The following MARCHF11 variants were observed in gnomAD, a reference collection of about 807,000 sequenced individuals.
The protein encoded by MARCHF11 is membrane associated ring-CH-type finger 11.
Under a neutral mutation model 37.3 loss-of-function variants are expected in MARCHF11, and 29 were observed. That is an observed-to-expected ratio of 0.78 (90% CI 0.58 to 1.06). MARCHF11 has a LOEUF of 1.06. MARCHF11 is among the 50% of genes least tolerant of loss of function. MARCHF11 has a pLI of 0.00. For missense variants in MARCHF11, 482 were observed against 533.4 expected (o/e 0.90, Z 0.95); for synonymous variants, 233 against 228.0 (o/e 1.02, Z -0.20).
At chr5:16,151,208 T>C (rs938064043) in intron 2 of MARCHF11, among the ~76,000 whole-genome samples, 2 of 152,080 alleles carry the variant, frequency 1.3e-5, no homozygotes, top group Non-Finnish European at 2.9e-5. Flanking sequence ...ATAAGTTTGA[T>C]TGGCTTCATA....
intron 3 of MARCHF11, among the ~76,000 whole-genome samples, chr5:16,076,853 A>C (rs1030096551): frequency 6.6e-6 from 1 of 152,228 alleles, no homozygotes; most frequent in African/African-American, 2.4e-5. Context: ...GGCCAAAGCC[A>C]GTCATCACCG....
intron 2 of MARCHF11, among the ~76,000 whole-genome samples, chr5:16,156,031 G>T (rs1737973615): frequency 6.6e-6 from 1 of 151,908 alleles, no homozygotes; most frequent in African/African-American, 2.4e-5. Context: ...TAAAGTAAAT[G>T]CTTGTCTAAT....
chr5:16,104,469 A>G (rs1253099425), intron 2 of MARCHF11, among the ~76,000 whole-genome samples: 1 of 152,234 alleles, frequency 6.6e-6, no homozygotes, highest in Non-Finnish European at 1.5e-5. Flanking sequence ...TTTATAGCAT[A>G]TAAATTACAT....
rs11953948 is a variant in MARCHF11 at position 16,087,012 on chromosome 5, A to G, written c.886+3877T>C. Among the ~76,000 whole-genome samples the G allele has an allele frequency of 8.8e-3, 1,347 of 152,314 alleles. 16 individuals are homozygous for G. The highest frequency in any genetic ancestry group is 0.031 in the African/African-American group (1,273 of 41,576). ...GTGGGAAGCCAACATGAGCTTCCTC[A>G]GCTGTTACTTCTCCCTAAATTACTG... On this transcript the variant is annotated intron_variant, in intron 3 of 3. Coordinates refer to ENST00000332432, the MANE Select transcript of MARCHF11 (RefSeq NM_001102562.3).
At chr5:16,137,849 A>G (rs1737632660) in intron 2 of MARCHF11, among the ~76,000 whole-genome samples, 1 of 152,176 alleles carries the variant, frequency 6.6e-6, no homozygotes, top group Non-Finnish European at 1.5e-5. Context: ...TGAACTTGAG[A>G]GAGATGATTT....
At chr5:16,161,630 C>T (rs537193990) in intron 2 of MARCHF11, among the ~76,000 whole-genome samples, 1 of 152,040 alleles carries the variant, frequency 6.6e-6, no homozygotes, top group East Asian at 1.9e-4. Context: ...AAAATACTGG[C>T]TTCCCAGCAT....
chr5:16,102,391 A>C, intron 2 of MARCHF11, among the ~76,000 whole-genome samples: 1 of 152,176 alleles, frequency 6.6e-6, no homozygotes, highest in East Asian at 1.9e-4. Flanking sequence ...GTGATCCTAA[A>C]TGAGAACTTG....
chr5:16,123,125 C>T (rs185998652), intron 2 of MARCHF11, among the ~76,000 whole-genome samples: 1 of 152,154 alleles, frequency 6.6e-6, no homozygotes, highest in African/African-American at 2.4e-5. Flanking sequence ...CAATTTATTG[C>T]CCGCATACAG....
At chr5:16,076,421 A>T (rs1736519454) in intron 3 of MARCHF11, among the ~76,000 whole-genome samples, 1 of 152,240 alleles carries the variant, frequency 6.6e-6, no homozygotes, top group African/African-American at 2.4e-5. Context: ...AAATGAAAGA[A>T]CAAGTCCAAT....
At chr5:16,124,945 C>T (rs904520083) in intron 2 of MARCHF11, among the ~76,000 whole-genome samples, 1 of 151,342 alleles carries the variant, frequency 6.6e-6, no homozygotes, top group African/African-American at 2.4e-5. Context: ...GGCATTCTGT[C>T]GATCTGATTA....
chr5:16,169,849 A>G (rs930708065), intron 2 of MARCHF11, among the ~76,000 whole-genome samples: 2 of 152,088 alleles, frequency 1.3e-5, no homozygotes, highest in Non-Finnish European at 2.9e-5. Flanking sequence ...AAGTACTCTC[A>G]TTTTGCCCTC....
chr5:16,129,330 T>G (rs1302772430), intron 2 of MARCHF11: 1 of 152,210 alleles, frequency 6.6e-6, no homozygotes, highest in African/African-American at 2.4e-5. Context: ...AAATGTTTTC[T>G]GTCATCTTCT....
chr5:16,121,049 C>T (rs1037647214), intron 2 of MARCHF11, among the ~76,000 whole-genome samples: 3 of 152,198 alleles, frequency 2.0e-5, no homozygotes, highest in East Asian at 1.9e-4. Context: ...CTTTGTTCCC[C>T]GCACACTGAC....
At chr5:16,166,462 T>TTAGAG (rs147725958) in intron 2 of MARCHF11, among the ~76,000 whole-genome samples, 146,287 of 151,666 alleles carry the variant, frequency 0.96, 70,663 homozygotes, top group Non-Finnish European at 0.99. Flanking sequence ...TGATACTTGA[T>TTAGAG]TAGAGTACAT....
intron 2 of MARCHF11, among the ~76,000 whole-genome samples, chr5:16,124,434 T>C (rs1165730521): frequency 1.3e-5 from 2 of 152,068 alleles, no homozygotes; most frequent in Admixed American, 1.3e-4. Flanking sequence ...GTATCACTTG[T>C]TAGAATGTAG....
At chr5:16,104,585 T>C (rs1737006171) in intron 2 of MARCHF11, among the ~76,000 whole-genome samples, 1 of 152,104 alleles carries the variant, frequency 6.6e-6, no homozygotes. Flanking sequence ...TTATCTTCAA[T>C]CGTAAAATAC....
intron 2 of MARCHF11, among the ~76,000 whole-genome samples, chr5:16,104,386 T>C (rs1737003820): frequency 6.6e-6 from 1 of 152,082 alleles, no homozygotes; most frequent in South Asian, 2.1e-4. Flanking sequence ...TCTATAACTG[T>C]GTGGTGATAA....
At chr5:16,175,299 T>C (rs949263680) in intron 2 of MARCHF11, among the ~76,000 whole-genome samples, 1 of 152,236 alleles carries the variant, frequency 6.6e-6, no homozygotes, top group African/African-American at 2.4e-5. Flanking sequence ...TATGCAACAG[T>C]AGACAGTCAA....
chr5:16,075,806 G>A (rs929095913), intron 3 of MARCHF11, among the ~76,000 whole-genome samples: 6 of 152,312 alleles, frequency 3.9e-5, no homozygotes, highest in East Asian at 3.9e-4. Flanking sequence ...CATAGTTCAC[G>A]AGTGGGTTTT....
Sources: allele counts gnomAD v4.1 joint callset (sites outside exome capture counted in the v4.1 genomes callset), GRCh38; gene constraint gnomAD v4.1.1; transcripts MANE v1.5; gene names NCBI Gene and HGNC (gene_info 2026-07-23, HGNC 2026-07-21).